SGCZ: variants seen among roughly 807,000 people sequenced by gnomAD.
SGCZ encodes the protein sarcoglycan zeta, also known as zeta-sarcoglycan.
SGCZ carries 40 observed loss-of-function variants against 41.3 expected under a neutral mutation model. The ratio of observed to expected loss-of-function variants is 0.97; its 90% CI spans 0.75 to 1.26. The LOEUF (loss-of-function observed/expected upper bound fraction) is 1.26. Among genes scored for constraint, SGCZ ranks in the 50% most tolerant of loss-of-function variants. SGCZ has a pLI of 0.00. For missense variants in SGCZ, 552 were observed against 369.8 expected (o/e 1.49, Z -4.04); for synonymous variants, 206 against 137.5 (o/e 1.50, Z -3.49).
At chr8:14,187,507 A>C (rs966494158) in intron 4 of SGCZ, among the ~76,000 whole-genome samples, 10 of 152,188 alleles carry the variant, frequency 6.6e-5, no homozygotes, top group Admixed American at 2.0e-4. Context: ...GATGGAGAAT[A>C]TCAACAAAGA....
chr8:14,178,126 T>C (rs900353142), intron 4 of SGCZ, among the ~76,000 whole-genome samples: 1 of 151,552 alleles, frequency 6.6e-6, no homozygotes, highest in African/African-American at 2.4e-5. Flanking sequence ...CCCGGCTAAT[T>C]GTGTTTTTGT....
intron 1 of SGCZ, among the ~76,000 whole-genome samples, chr8:15,232,794 TAC>T (rs79618284): frequency 0.22 from 27,817 of 127,966 alleles, 4,427 homozygotes; most frequent in East Asian, 0.36. Flanking sequence ...TATGTGTGTA[TAC>T]ATATATACAC....
At chr8:15,103,881 A>G (rs1270440802) in intron 1 of SGCZ, among the ~76,000 whole-genome samples, 1 of 152,202 alleles carries the variant, frequency 6.6e-6, no homozygotes, top group Admixed American at 6.5e-5. Flanking sequence ...AATACGAAGC[A>G]AATAGAAAAA....
chr8:14,187,921 T>C (rs1052880838), intron 4 of SGCZ, among the ~76,000 whole-genome samples: 9 of 151,930 alleles, frequency 5.9e-5, no homozygotes, highest in South Asian at 4.2e-4. Context: ...AAAGACAAGG[T>C]GAAAATCTTG....
intron 1 of SGCZ, among the ~76,000 whole-genome samples, chr8:14,695,442 G>C (rs1164134152): frequency 6.6e-6 from 1 of 152,072 alleles, no homozygotes; most frequent in Non-Finnish European, 1.5e-5. Context: ...GTGTCCAAAA[G>C]TACCATGTAA....
intron 1 of SGCZ, among the ~76,000 whole-genome samples, chr8:14,898,368 C>A (rs536336732): frequency 2.0e-5 from 3 of 152,284 alleles, no homozygotes; most frequent in African/African-American, 4.8e-5. Flanking sequence ...TGAGAAACAG[C>A]CGAGGCTGCC....
At chr8:14,359,819 A>G (rs1306055233) in intron 2 of SGCZ, among the ~76,000 whole-genome samples, 4 of 152,016 alleles carry the variant, frequency 2.6e-5, no homozygotes, top group African/African-American at 9.7e-5. Context: ...AAAAAAGAAA[A>G]AAAAAAAAAA....
intron 2 of SGCZ, among the ~76,000 whole-genome samples, chr8:14,465,739 C>T (rs922671217): frequency 6.6e-6 from 1 of 151,628 alleles, no homozygotes; most frequent in African/African-American, 2.4e-5. Flanking sequence ...GAATTTATAT[C>T]AGCTTAACTT....
In SGCZ at chr8:15,232,679, A is replaced by G. The variant is rs1034512413; in HGVS notation, c.39+4906T>C. Among the ~76,000 whole-genome samples the G allele has an allele frequency of 9.4e-4, 137 of 145,550 alleles. 1 individual carries two copies. Among genetic ancestry groups the G allele is most frequent in the African/African-American group, 2.9e-3 (112 of 39,148 alleles). On this transcript the variant is annotated intron_variant, in intron 1 of 7. Transcript: ENST00000382080. Reference sequence around the variant, plus strand: ...TATATACATATATATGTGTGTGTATATATATATATATGTGTGTATATATAT... The same window carrying G: ...TATATACATATATATGTGTGTGTATGTATATATATATGTGTGTATATATAT...
chr8:15,153,793 A>C (rs1799248841), intron 1 of SGCZ, among the ~76,000 whole-genome samples: 1 of 152,152 alleles, frequency 6.6e-6, no homozygotes, highest in Admixed American at 6.6e-5. Flanking sequence ...TATAGCCTGC[A>C]GGCCCATGAG....
At chr8:14,332,505 A>G (rs571873474) in intron 2 of SGCZ, 1 of 152,260 alleles carries the variant, frequency 6.6e-6, no homozygotes, top group South Asian at 2.1e-4. Context: ...GGATAGGATC[A>G]TAGTGGCCTA....
intron 3 of SGCZ, among the ~76,000 whole-genome samples, chr8:14,244,460 A>C (rs1799010834): frequency 1.3e-5 from 2 of 152,184 alleles, no homozygotes; most frequent in Non-Finnish European, 2.9e-5. Flanking sequence ...CTTTGAAATA[A>C]AAAGTACCAG....
chr8:14,847,231 G>A, intron 1 of SGCZ, among the ~76,000 whole-genome samples: 1 of 151,822 alleles, frequency 6.6e-6, no homozygotes, highest in Non-Finnish European at 1.5e-5. Flanking sequence ...CATTAAAAGA[G>A]GAAAGTCCTG....
chr8:14,709,082 T>G (rs1809431099), intron 1 of SGCZ, among the ~76,000 whole-genome samples: 1 of 152,136 alleles, frequency 6.6e-6, no homozygotes, highest in Non-Finnish European at 1.5e-5. Context: ...TGAAGAAGAA[T>G]AAAAATTTGA....
At chr8:15,215,430 T>C (rs2117170244) in intron 1 of SGCZ, among the ~76,000 whole-genome samples, 1 of 152,314 alleles carries the variant, frequency 6.6e-6, no homozygotes, top group Non-Finnish European at 1.5e-5. Flanking sequence ...ACAGGCACTG[T>C]TTTACTTCCT....
At chr8:14,479,087 T>C (rs768026584) in intron 2 of SGCZ, among the ~76,000 whole-genome samples, 7 of 152,136 alleles carry the variant, frequency 4.6e-5, no homozygotes, top group African/African-American at 7.2e-5. Context: ...TTAAGAAGTA[T>C]TGACTCACAG....
chr8:14,990,835 G>T (rs1042907167), intron 1 of SGCZ, among the ~76,000 whole-genome samples: 1 of 152,090 alleles, frequency 6.6e-6, no homozygotes, highest in African/African-American at 2.4e-5. Flanking sequence ...GGGGACCGCT[G>T]CCTTGAGGTA....
intron 1 of SGCZ, among the ~76,000 whole-genome samples, chr8:14,746,836 G>C (rs1356990862): frequency 6.6e-6 from 1 of 152,128 alleles, no homozygotes; most frequent in Non-Finnish European, 1.5e-5. Context: ...TGAATTCAAT[G>C]TATACAGACG....
intron 2 of SGCZ, among the ~76,000 whole-genome samples, chr8:14,552,641 G>T (rs825906): frequency 0.89 from 135,233 of 151,976 alleles, 60,412 homozygotes; most frequent in Middle Eastern, 0.94. Flanking sequence ...TCAAATTAAA[G>T]AGCTCCATGG....
Sources: allele counts gnomAD v4.1 joint callset (sites outside exome capture counted in the v4.1 genomes callset), GRCh38; gene constraint gnomAD v4.1.1; transcripts MANE v1.5; gene names NCBI Gene and HGNC (gene_info 2026-07-23, HGNC 2026-07-21).